VTI1A: variants seen among roughly 807,000 people sequenced by gnomAD.
VTI1A encodes the protein vesicle transport through interaction with t-SNAREs homolog 1A.
VTI1A carries 22 observed loss-of-function variants against 34.9 expected under a neutral mutation model. The observed-to-expected ratio is 0.63, with a 90% CI of 0.45 to 0.90. VTI1A has a LOEUF of 0.90. Ranked by LOEUF, VTI1A falls within the 40% of genes least tolerant of loss-of-function variation. The pLI, the probability that VTI1A is intolerant of heterozygous loss-of-function variation, is 0.00. For missense variants in VTI1A, 268 were observed against 275.6 expected (o/e 0.97, Z 0.20); for synonymous variants, 87 against 97.3 (o/e 0.89, Z 0.62).
intron 3 of VTI1A, among the ~76,000 whole-genome samples, chr10:112,514,843 A>G (rs760127090): frequency 2.0e-4 from 30 of 152,006 alleles, no homozygotes; most frequent in Non-Finnish European, 3.1e-4. Flanking sequence ...TTAACTACCA[A>G]TAATGAGGTC....
chr10:112,750,075 G>C (rs1851047931), intron 7 of VTI1A, among the ~76,000 whole-genome samples: 1 of 152,218 alleles, frequency 6.6e-6, no homozygotes, highest in Admixed American at 6.5e-5. Flanking sequence ...GATGAATGAG[G>C]AGGAACTGTC....
At chr10:112,684,059 C>T (rs1848314234) in intron 7 of VTI1A, among the ~76,000 whole-genome samples, 1 of 151,534 alleles carries the variant, frequency 6.6e-6, no homozygotes, top group Admixed American at 6.6e-5. Flanking sequence ...AAAAAAAACA[C>T]CTCTTATTTT....
At chr10:112,671,937 C>G (rs191388489) in intron 7 of VTI1A, 1 of 152,004 alleles carries the variant, frequency 6.6e-6, no homozygotes, top group Non-Finnish European at 1.5e-5. Flanking sequence ...ATGCCAGGGC[C>G]GGGGATCCTG....
intron 5 of VTI1A, among the ~76,000 whole-genome samples, chr10:112,581,729 C>T (rs1471017949): frequency 2.0e-5 from 3 of 152,090 alleles, no homozygotes; most frequent in Non-Finnish European, 2.9e-5. Context: ...CTTCCTGATG[C>T]GTCTTCATCA....
At chr10:112,526,747 A>G (rs1850240889) in intron 3 of VTI1A, among the ~76,000 whole-genome samples, 4 of 151,982 alleles carry the variant, frequency 2.6e-5, no homozygotes, top group Admixed American at 2.0e-4. Context: ...AGTACAATCT[A>G]GTGAGTTTTA....
chr10:112,819,565 G>A (rs531183976), downstream of VTI1A, among the ~76,000 whole-genome samples: 49 of 152,236 alleles, frequency 3.2e-4, no homozygotes, highest in Middle Eastern at 3.4e-3. Context: ...GGGCATCTCC[G>A]TGCCGTCAAC....
At position 112,690,141 on chromosome 10, in the gene VTI1A, C is replaced by G. The variant is rs181880109; in HGVS notation, c.560+21143C>G. Among the ~76,000 whole-genome samples the G allele has an allele frequency of 5.4e-4, 65 of 120,240 alleles. No homozygotes were observed. In the Middle Eastern group the frequency reaches 0.019, roughly 35 times the overall value. 78.9% of individuals were successfully genotyped at this position (120,240 alleles called of 152,430 possible). A position where few individuals can be genotyped will look rare whatever the true frequency, so the allele number is the denominator to read the frequency against. ...AGTAATATTCCAGAGTGGGGGTATA[C>G]TACAATTTATCTATTCACCAGTAGA... On this transcript the variant is annotated intron_variant, in intron 7 of 7. Transcript: ENST00000393077.
chr10:112,552,922 C>G (rs1329072296), intron 5 of VTI1A, among the ~76,000 whole-genome samples: 1 of 152,158 alleles, frequency 6.6e-6, no homozygotes, highest in Non-Finnish European at 1.5e-5. Flanking sequence ...GGCCTCTGCT[C>G]AAATTAAACA....
chr10:112,661,714 T>G (rs1847459003), intron 5 of VTI1A, among the ~76,000 whole-genome samples: 1 of 152,112 alleles, frequency 6.6e-6, no homozygotes, highest in South Asian at 2.1e-4. Flanking sequence ...AAATTCAGGC[T>G]TCATTCTTAT....
chr10:112,563,806 ATC>A (rs1851812392), intron 5 of VTI1A, among the ~76,000 whole-genome samples: 1 of 152,200 alleles, frequency 6.6e-6, no homozygotes, highest in Non-Finnish European at 1.5e-5. Context: ...AGGTATACAT[ATC>A]TCTGTTTTAA....
chr10:112,717,068 G>T (rs1196592336), intron 7 of VTI1A, among the ~76,000 whole-genome samples: 1 of 152,212 alleles, frequency 6.6e-6, no homozygotes. Flanking sequence ...CACCTCTGCT[G>T]CCCTAAGCTC....
At chr10:112,569,738 A>G (rs780067343) in intron 5 of VTI1A, among the ~76,000 whole-genome samples, 36 of 149,930 alleles carry the variant, frequency 2.4e-4, no homozygotes, top group Non-Finnish European at 5.1e-4. Flanking sequence ...GGTGCCTACT[A>G]AAAAAAACAC....
At chr10:112,472,913 G>T (rs1848143566) in intron 3 of VTI1A, among the ~76,000 whole-genome samples, 1 of 150,886 alleles carries the variant, frequency 6.6e-6, no homozygotes, top group Non-Finnish European at 1.5e-5. Context: ...TACATTTGTT[G>T]TTTGATTCTG....
intron 5 of VTI1A, among the ~76,000 whole-genome samples, chr10:112,542,513 T>C (rs189714191): frequency 1.3e-5 from 2 of 152,152 alleles, no homozygotes; most frequent in Non-Finnish European, 2.9e-5. Flanking sequence ...TGGCCACTGA[T>C]CTCTCCACGA....
the VTI1A span, among the ~76,000 whole-genome samples, chr10:112,845,109 G>C: frequency 6.6e-6 from 1 of 152,222 alleles, no homozygotes; most frequent in Non-Finnish European, 1.5e-5. Flanking sequence ...CTGGCGGAGA[G>C]AAAGGGCAGA....
At chr10:112,784,904 C>A (rs879466258) in intron 7 of VTI1A, among the ~76,000 whole-genome samples, 2 of 152,160 alleles carry the variant, frequency 1.3e-5, no homozygotes, top group Admixed American at 1.3e-4. Context: ...GTCCATCGTA[C>A]GTATTTCTGC....
chr10:112,759,018 G>A (rs898407801), intron 7 of VTI1A, among the ~76,000 whole-genome samples: 4 of 152,206 alleles, frequency 2.6e-5, no homozygotes, highest in African/African-American at 7.2e-5. Context: ...TGCTGTGAAA[G>A]TGGCCTCAGA....
At chr10:112,644,526 T>C (rs41310286) in intron 5 of VTI1A, among the ~76,000 whole-genome samples, 1 of 152,350 alleles carries the variant, frequency 6.6e-6, no homozygotes, top group Non-Finnish European at 1.5e-5. Context: ...GATAATGAAC[T>C]GTTAAGAAGT....
chr10:112,578,987 A>G (rs1843817069), intron 5 of VTI1A, among the ~76,000 whole-genome samples: 1 of 152,210 alleles, frequency 6.6e-6, no homozygotes, highest in Admixed American at 6.5e-5. Context: ...CTATCAACAA[A>G]CCATTTAAGG....
Sources: allele counts gnomAD v4.1 joint callset (sites outside exome capture counted in the v4.1 genomes callset), GRCh38; gene constraint gnomAD v4.1.1; transcripts MANE v1.5; gene names NCBI Gene and HGNC (gene_info 2026-07-23, HGNC 2026-07-21).